Variants in RTN4RL1 observed in about 807,000 individuals in gnomAD.
The protein encoded by RTN4RL1 is reticulon 4 receptor like 1.
Under a neutral mutation model 25.6 loss-of-function variants are expected in RTN4RL1, and 7 were observed. That is an observed-to-expected ratio of 0.27 (90% CI 0.16 to 0.51). RTN4RL1 has a LOEUF of 0.51. Ranked by LOEUF, RTN4RL1 falls within the 20% of genes least tolerant of loss-of-function variation. RTN4RL1 has a pLI of 0.97. For synonymous variants in RTN4RL1, 297 were observed against 288.2 expected (o/e 1.03, Z -0.31); for missense variants, 500 against 615.6 (o/e 0.81, Z 1.99).
chr17:1,960,644 A>G (rs1249809941), intron 1 of RTN4RL1, among the ~76,000 whole-genome samples: 1 of 152,176 alleles, frequency 6.6e-6, no homozygotes, highest in Non-Finnish European at 1.5e-5. Flanking sequence ...TATCATCACT[A>G]TCTGGCTCAG....
At chr17:2,004,095 G>A (rs1279916502) in intron 1 of RTN4RL1, among the ~76,000 whole-genome samples, 4 of 150,622 alleles carry the variant, frequency 2.7e-5, no homozygotes, top group Non-Finnish European at 3.0e-5. Context: ...CAGGCCGGGC[G>A]CGGTGGCTCA....
chr17:2,007,337 A>AACACACACACACACACACACACACAC (rs34669886), intron 1 of RTN4RL1, among the ~76,000 whole-genome samples: 7 of 140,306 alleles, frequency 5.0e-5, no homozygotes, highest in East Asian at 2.1e-4. Flanking sequence ...TCACAGCCCC[A>AACACACACACACACACACACACACAC]ACACACACAC....
intron 1 of RTN4RL1, among the ~76,000 whole-genome samples, chr17:1,977,742 C>G (rs983565166): frequency 2.6e-5 from 4 of 152,146 alleles, no homozygotes; most frequent in Non-Finnish European, 1.5e-5. Context: ...AACCCCATCC[C>G]GGCCCTCACC....
chr17:1,970,402 C>T (rs1042701557), intron 1 of RTN4RL1, among the ~76,000 whole-genome samples: 1 of 152,130 alleles, frequency 6.6e-6, no homozygotes, highest in African/African-American at 2.4e-5. Context: ...GCTCTGAGCT[C>T]CTAAAACCAC....
intron 1 of RTN4RL1, among the ~76,000 whole-genome samples, chr17:1,942,380 A>G (rs1597486638): frequency 6.6e-6 from 1 of 151,508 alleles, no homozygotes; most frequent in South Asian, 2.1e-4. Flanking sequence ...GATACGGAGG[A>G]TCCTCATGGC....
intron 1 of RTN4RL1, among the ~76,000 whole-genome samples, chr17:2,001,882 T>TC (rs971251231): frequency 5.5e-4 from 78 of 140,554 alleles, no homozygotes; most frequent in African/African-American, 1.7e-3. Flanking sequence ...CAGCATCAGC[T>TC]CCCCCCGTCC....
At chr17:2,024,582 C>T (rs2067249209) in intron 1 of RTN4RL1, among the ~76,000 whole-genome samples, 1 of 152,198 alleles carries the variant, frequency 6.6e-6, no homozygotes, top group East Asian at 1.9e-4. Flanking sequence ...CTTCCACCAC[C>T]GGCCGCTCAC....
In RTN4RL1 at chr17:2,006,304, C is replaced by T. The variant is rs921368338; in HGVS notation, c.13+18549G>A. 5.9e-5 allele frequency among the ~76,000 whole-genome samples: 9 copies of T among 151,592 alleles called. 1 individual carries two copies. The highest frequency in any genetic ancestry group is 3.9e-4 in the East Asian group (2 of 5,128). On this transcript the variant is annotated intron_variant, in intron 1 of 1. Transcript: ENST00000331238. ...TCCCAAGTAGCTGGGATTACAGGCG[C>T]GCGCCACCACACCCAGCTAATTTTT... is the stretch of plus-strand genomic sequence containing the variant.
intron 1 of RTN4RL1, among the ~76,000 whole-genome samples, chr17:1,978,429 T>G (rs976405723): frequency 2.0e-5 from 3 of 152,172 alleles, no homozygotes; most frequent in African/African-American, 7.2e-5. Flanking sequence ...GCAGAAGCCT[T>G]TAGAGGAGAG....
At chr17:2,002,584 G>A (rs1051974965) in intron 1 of RTN4RL1, among the ~76,000 whole-genome samples, 1 of 151,010 alleles carries the variant, frequency 6.6e-6, no homozygotes, top group Non-Finnish European at 1.5e-5. Flanking sequence ...GAGCCACCGC[G>A]CCCGGCCTGT....
intron 1 of RTN4RL1, among the ~76,000 whole-genome samples, chr17:2,013,943 G>A (rs2067085935): frequency 6.6e-6 from 1 of 152,192 alleles, no homozygotes; most frequent in Admixed American, 6.5e-5. Flanking sequence ...TTAAGCTCTG[G>A]TACCCACAGT....
intron 1 of RTN4RL1, among the ~76,000 whole-genome samples, chr17:1,977,526 C>A (rs183553032): frequency 3.3e-5 from 5 of 152,314 alleles, no homozygotes; most frequent in African/African-American, 7.2e-5. Flanking sequence ...TGCCGCCCCC[C>A]ACCCCGCCCG....
At chr17:1,988,376 G>A (rs1440930180) in intron 1 of RTN4RL1, among the ~76,000 whole-genome samples, 2 of 136,882 alleles carry the variant, frequency 1.5e-5, no homozygotes, top group South Asian at 2.3e-4. Flanking sequence ...CTGCATTCCA[G>A]CCTGGTGACA....
chr17:1,965,090 A>G (rs537574199), intron 1 of RTN4RL1, among the ~76,000 whole-genome samples: 1 of 142,918 alleles, frequency 7.0e-6, no homozygotes, highest in East Asian at 2.2e-4. Context: ...CCTGGCTTAC[A>G]GTTTGCTTTT....
chr17:1,983,822 G>A (rs1357697563), intron 1 of RTN4RL1, among the ~76,000 whole-genome samples: 5 of 152,244 alleles, frequency 3.3e-5, no homozygotes, highest in Admixed American at 3.3e-4. Context: ...GATTACAGGT[G>A]TGAGCCACGG....
chr17:1,946,077 G>C (rs1211749849), intron 1 of RTN4RL1, among the ~76,000 whole-genome samples: 1 of 152,224 alleles, frequency 6.6e-6, no homozygotes, highest in Non-Finnish European at 1.5e-5. Context: ...AGAGCTCTGG[G>C]AAGGAGGATC....
chr17:1,980,145 C>T (rs1023240863), intron 1 of RTN4RL1, among the ~76,000 whole-genome samples: 2 of 148,710 alleles, frequency 1.3e-5, no homozygotes, highest in Non-Finnish European at 2.9e-5. Flanking sequence ...CTCACCAAAG[C>T]CTTGACCTCC....
At chr17:2,012,468 C>T (rs771677210) in intron 1 of RTN4RL1, among the ~76,000 whole-genome samples, 1 of 152,228 alleles carries the variant, frequency 6.6e-6, no homozygotes, top group African/African-American at 2.4e-5. Flanking sequence ...TTTAATGAGG[C>T]ATTGCACAGG....
At chr17:1,975,410 A>G (rs1433404153) in intron 1 of RTN4RL1, among the ~76,000 whole-genome samples, 1 of 152,064 alleles carries the variant, frequency 6.6e-6, no homozygotes. Flanking sequence ...CAGCATTTTG[A>G]GAGACCGAGG....
Sources: gnomAD v4.1 joint callset for allele counts (sites outside exome capture counted in the v4.1 genomes callset) on GRCh38, gnomAD v4.1.1 for gene constraint, MANE v1.5 for transcripts, NCBI Gene and HGNC (gene_info 2026-07-23, HGNC 2026-07-21) for gene names.